FCGRT: variants seen among roughly 807,000 people sequenced by gnomAD.
The protein encoded by FCGRT is IgG receptor FcRn large subunit p51.
In FCGRT, 13 loss-of-function variants were observed where a neutral mutation model predicts 35.7. The ratio of observed to expected loss-of-function variants is 0.36; its 90% CI spans 0.24 to 0.58. The LOEUF is 0.58. FCGRT is among the 20% of genes least tolerant of loss of function. The probability of loss-of-function intolerance (pLI) is 0.77; values close to 1 mark genes in which losing one functional copy is unlikely to be tolerated. For synonymous variants in FCGRT, 233 were observed against 216.5 expected, an observed-to-expected ratio of 1.08 and a Z score of -0.67; for missense variants, 455 against 474.9, an observed-to-expected ratio of 0.96 and a Z score of 0.39.
chr19:49,525,838 G>A (rs2080072843), intron 6 of FCGRT, 172 bp from the exon 7 acceptor site: 2 of 689,440 alleles, frequency 2.9e-6, no homozygotes, highest in Non-Finnish European at 5.2e-6. Flanking sequence ...GGGAGGCAAA[G>A]ATGTAGAAAG....
intron 4 of FCGRT, among the ~76,000 whole-genome samples, chr19:49,517,533 GAGGAAGGAAAGGA>G (rs1217103879): frequency 1.3e-5 from 2 of 148,210 alleles, no homozygotes; most frequent in Non-Finnish European, 3.0e-5. Flanking sequence ...GAGAGAGAAA[GAGGAAGGAAAGGA>G]AGGAAGGAAG....
chr19:49,525,073 G>A (rs1226458125), intron 5 of FCGRT: 5 of 562,156 alleles, frequency 8.9e-6, no homozygotes, highest in South Asian at 3.4e-5. Flanking sequence ...TGCTGCTGCT[G>A]CGGGTCTTCC....
At chr19:49,524,403 G>A (rs531046072) in intron 4 of FCGRT, 104 bp from the exon 5 acceptor site, 6 of 1,245,520 alleles carry the variant, frequency 4.8e-6, no homozygotes, top group East Asian at 2.3e-5. Context: ...TATTATCTGC[G>A]GTTAGCACAG....
chr19:49,519,894 G>A (rs2080030695), intron 4 of FCGRT, among the ~76,000 whole-genome samples: 1 of 145,690 alleles, frequency 6.9e-6, no homozygotes, highest in Non-Finnish European at 1.5e-5. Flanking sequence ...GCAGTGTTGC[G>A]ATCTTGGCTC....
At chr19:49,516,617 C>T (rs909162768) in intron 4 of FCGRT, among the ~76,000 whole-genome samples, 5 of 150,160 alleles carry the variant, frequency 3.3e-5, no homozygotes, top group African/African-American at 7.4e-5. Context: ...AGTACTGTGG[C>T]GCAATCTTGG....
At chr19:49,514,603 C>A in intron 4 of FCGRT, 117 bp downstream of exon 4, 1 of 1,025,120 alleles carries the variant, frequency 9.8e-7, no homozygotes, top group Non-Finnish European at 1.4e-6. Context: ...GCTCTGCCCC[C>A]CCATTCCTCA....
At chr19:49,524,431 C>CT in intron 4 of FCGRT, 76 bp from the exon 5 acceptor site, 1 of 1,503,848 alleles carries the variant, frequency 6.6e-7, no homozygotes, top group Non-Finnish European at 9.0e-7. Flanking sequence ...ATGGAGGCCT[C>CT]TTTCTGTCCC....
chr19:49,525,275 G>T, intron 5 of FCGRT, 182 bp from the exon 6 acceptor site: 1 of 630,960 alleles, frequency 1.6e-6, no homozygotes, highest in Admixed American at 2.3e-5. Flanking sequence ...TGCTGTAGCT[G>T]GTTCTTACGT....
In FCGRT at chr19:49,526,267, CA is replaced by C. The variant is rs2080076972; in HGVS notation, c.*149del. 3.2e-6 allele frequency: 2 copies of C among 622,282 alleles called. No homozygotes were observed. The highest frequency in any genetic ancestry group is 5.7e-5 in the Admixed American group (2 of 35,036). The allele number at this position is 622,282 out of a possible 1,614,324, so 38.5% of individuals were successfully genotyped here. On this transcript the variant is annotated 3_prime_UTR_variant, in exon 7 of 7. Coordinates refer to ENST00000221466, the MANE Select transcript of FCGRT (RefSeq NM_001136019.3). ...TGGAGCCCCGTCCTGTGGTCTGCCT[CA>C]GTTTCCCCTCCTAATACATATGGCT...
rs1135788 is a variant in FCGRT, at chr19:49,526,245, A to G, written c.*126A>G. 4.5e-6 allele frequency: 3 copies of G among 666,086 alleles called. No individual in the cohort carries two copies. The highest frequency in any genetic ancestry group is 8.0e-6 in the Non-Finnish European group (3 of 375,152). 41.3% of individuals were successfully genotyped at this position (666,086 alleles called of 1,614,324 possible). A position where few individuals can be genotyped will look rare whatever the true frequency, so the allele number is the denominator to read the frequency against. On this transcript the variant is annotated 3_prime_UTR_variant, in exon 7 of 7. Transcript: ENST00000221466. ...CTGGGCCTAGTTGTCCTCCCTCTGGAGCCCCGTCCTGTGGTCTGCCTCAGT... is the reference window on the plus strand; with the variant it reads ...CTGGGCCTAGTTGTCCTCCCTCTGGGGCCCCGTCCTGTGGTCTGCCTCAGT...
chr19:49,513,580 G>A (rs895461246), intron 2 of FCGRT, 107 bp downstream of exon 2: 81 of 602,152 alleles, frequency 1.3e-4, no homozygotes, highest in Non-Finnish European at 1.8e-4. Flanking sequence ...CGAGCCCCTG[G>A]CGCTGCCTTC....
At position 49,524,533 on chromosome 19, in the gene FCGRT, C is replaced by G; in HGVS notation, c.628C>G (p.Arg210Gly). Reference sequence around the variant, plus strand: ...GCCCCCCTCCATGCGCCTGAAGGCCCGACCCAGCAGCCCTGGCTTTTCCGT... The same window carrying G: ...GCCCCCCTCCATGCGCCTGAAGGCCGGACCCAGCAGCCCTGGCTTTTCCGT... ...KEPPSMRLKA[R>G]PSSPGFSVLT... The change falls in exon 5 of 7, where the codon CGA becomes GGA. Residue 210 changes from arginine (R) to glycine (G), a missense_variant. Physicochemically the swap from Arg to Gly is moderately radical, Grantham distance 125. Transcript: ENST00000221466. The G allele has an allele frequency of 6.2e-7, 1 of 1,610,292 alleles. No homozygotes were observed. Among genetic ancestry groups the G allele is most frequent in the Non-Finnish European group, 8.5e-7 (1 of 1,177,338 alleles).
chr19:49,514,668 C>A (rs567300634), intron 4 of FCGRT, among the ~76,000 whole-genome samples, 182 bp downstream of exon 4: 1 of 151,872 alleles, frequency 6.6e-6, no homozygotes, highest in African/African-American at 2.4e-5. Flanking sequence ...CCAGGACAAA[C>A]TCCTGGCTTC....
Position 49,526,393 on chromosome 19 carries a change from A to G in FCGRT, c.*274A>G, listed in dbSNP as rs2080077925. The stretch of plus-strand genomic sequence containing the variant: ...GTAAGGGAATAAGTCGGGGGACTGA[A>G]TGGCGGCTGGGCCTCGGATCTCTCC... On this transcript the variant is annotated 3_prime_UTR_variant, in exon 7 of 7. Coordinates refer to ENST00000221466, the MANE Select transcript of FCGRT (RefSeq NM_001136019.3). 1 of 472,448 alleles carries G rather than the reference A, an allele frequency of 2.1e-6. No homozygotes were observed. The highest frequency in any genetic ancestry group is 2.0e-5 in the African/African-American group (1 of 50,290). The allele number at this position is 472,448 out of a possible 1,614,324, so 29.3% of individuals were successfully genotyped here. A position where few individuals can be genotyped will look rare whatever the true frequency, so the allele number is the denominator to read the frequency against.
In FCGRT at chr19:49,526,331, GAATC is replaced by G. The variant is rs1189350600; in HGVS notation, c.*214_*217del. On this transcript the variant is annotated 3_prime_UTR_variant, in exon 7 of 7. Transcript: ENST00000221466. ...GATAATATAACACGAGTTTGGGCCC[GAATC>G]AGTGTGTTCTCATCATTTTTCAGGC... The G allele has an allele frequency of 1.3e-4, 76 of 564,556 alleles. No individual in the cohort carries two copies. In the Admixed American group the frequency reaches 2.3e-3, roughly 17 times the overall value. 35.0% of individuals were successfully genotyped at this position (564,556 alleles called of 1,614,324 possible).
Position 49,514,234 on chromosome 19 carries a change from C to T in FCGRT, c.349C>T (p.Leu117=), listed in dbSNP as rs1437309285. ...AGGTCCCTACACTCTGCAGGGCCTG[C>T]TGGGCTGTGAACTGGGCCCTGACAA... The part of the protein sequence containing the change: ...GKGPYTLQGL[L]GCELGPDNTS... Residue 117 remains leucine (L), a synonymous_variant, in exon 4 of 7, where the codon CTG becomes TTG. Transcript: ENST00000221466. 2 of 1,610,700 alleles carry T rather than the reference C, an allele frequency of 1.2e-6. No homozygotes were observed. Among genetic ancestry groups the T allele is most frequent in the Non-Finnish European group, 8.5e-7 (1 of 1,178,572 alleles).
intron 4 of FCGRT, among the ~76,000 whole-genome samples, chr19:49,523,207 G>T (rs150649266): frequency 5.1e-4 from 77 of 152,214 alleles, no homozygotes; most frequent in African/African-American, 1.4e-3. Context: ...TACATTGGAA[G>T]AATTCACTAA....
intron 4 of FCGRT, chr19:49,515,380 T>A (rs1461907691): frequency 6.6e-6 from 1 of 151,902 alleles, no homozygotes; most frequent in Non-Finnish European, 1.5e-5. Context: ...CTCCTGGGTT[T>A]AAGGGATTCC....
chr19:49,522,409 C>A (rs2080046249), intron 4 of FCGRT, among the ~76,000 whole-genome samples: 1 of 150,858 alleles, frequency 6.6e-6, no homozygotes, highest in African/African-American at 2.4e-5. Context: ...AGTTCTGAAT[C>A]TTTTTTTAAA....
Sources: allele counts gnomAD v4.1 joint callset (sites outside exome capture counted in the v4.1 genomes callset), GRCh38; gene constraint gnomAD v4.1.1; transcripts MANE v1.5; gene names NCBI Gene and HGNC (gene_info 2026-07-23, HGNC 2026-07-21).